BIRC6: variants seen among roughly 807,000 people sequenced by gnomAD.
BIRC6 encodes dual E2 ubiquitin-conjugating enzyme/E3 ubiquitin-protein ligase BIRC6.
A neutral mutation model predicts 503.3 loss-of-function variants in BIRC6; 98 were observed. The ratio of observed to expected loss-of-function variants is 0.19; its 90% CI spans 0.17 to 0.23. The LOEUF (loss-of-function observed/expected upper bound fraction) is 0.23, where lower values mean the gene tolerates loss of function less well. Ranked by LOEUF, BIRC6 falls within the 10% of genes least tolerant of loss-of-function variation. BIRC6 has a pLI of 1.00. For synonymous variants in BIRC6, 2,240 were observed against 2,078.7 expected (o/e 1.08, Z -2.11); for missense variants, 5,360 against 5,806.0 (o/e 0.92, Z 2.50).
chr2:32,445,811 C>T (rs988538612), intron 21 of BIRC6, 143 bp downstream of exon 21: 12 of 529,604 alleles, frequency 2.3e-5, no homozygotes, highest in Admixed American at 1.3e-4. Context: ...TTTTTCCATA[C>T]GATAATAGCC....
chr2:32,548,403 C>G (rs1026529175), intron 64 of BIRC6, among the ~76,000 whole-genome samples: 12 of 122,868 alleles, frequency 9.8e-5, no homozygotes, highest in African/African-American at 3.4e-4. Flanking sequence ...GGAGCTCACT[C>G]TGTGGCCCAG....
intron 6 of BIRC6, among the ~76,000 whole-genome samples, chr2:32,395,909 C>T (rs1445681595): frequency 6.6e-6 from 1 of 152,116 alleles, no homozygotes; most frequent in Non-Finnish European, 1.5e-5. Context: ...CTGTTGAGAG[C>T]ATGTTGTCAG....
intron 33 of BIRC6, among the ~76,000 whole-genome samples, chr2:32,473,740 TGTGTGTGTGTA>T (rs1400206608): frequency 2.1e-5 from 3 of 141,750 alleles, no homozygotes; most frequent in Admixed American, 7.0e-5. Context: ...TGTGTGTGTG[TGTGTGTGTGTA>T]TTTTTTTTTT....
chr2:32,497,713 A>T (rs1006742611), intron 45 of BIRC6, among the ~76,000 whole-genome samples: 1 of 152,094 alleles, frequency 6.6e-6, no homozygotes, highest in East Asian at 1.9e-4. Flanking sequence ...TTTTGGGGTC[A>T]TTCTGGCTAG....
At chr2:32,557,405 G>A (rs2058857573) in intron 65 of BIRC6, 1 of 152,120 alleles carries the variant, frequency 6.6e-6, no homozygotes, top group Non-Finnish European at 1.5e-5. Flanking sequence ...CATTTTTGCT[G>A]TTGTGTCTTG....
chr2:32,405,311 A>AT (rs1256996520), intron 8 of BIRC6, among the ~76,000 whole-genome samples: 2 of 152,010 alleles, frequency 1.3e-5, no homozygotes, highest in East Asian at 3.8e-4. Context: ...CTTTTTTTGC[A>AT]TTTTTTGCTT....
At chr2:32,534,201 C>G (rs1274397232) in intron 61 of BIRC6, among the ~76,000 whole-genome samples, 1 of 150,622 alleles carries the variant, frequency 6.6e-6, no homozygotes, top group Non-Finnish European at 1.5e-5. Flanking sequence ...TGGTGAAACC[C>G]CGTCTCTACT....
At chr2:32,381,209 A>G (rs1298483820) in intron 3 of BIRC6, among the ~76,000 whole-genome samples, 1 of 152,058 alleles carries the variant, frequency 6.6e-6, no homozygotes, top group African/African-American at 2.4e-5. Flanking sequence ...AAATATACTA[A>G]TATTGTGTTA....
chr2:32,607,972 C>A (rs2151655879), intron 72 of BIRC6, among the ~76,000 whole-genome samples: 1 of 48,092 alleles, frequency 2.1e-5, no homozygotes. Flanking sequence ...AAGACTCCAT[C>A]TCCAAAAAAA....
intron 24 of BIRC6, among the ~76,000 whole-genome samples, chr2:32,464,218 T>C (rs1352323043): frequency 2.6e-5 from 4 of 152,324 alleles, no homozygotes; most frequent in Admixed American, 1.3e-4. Flanking sequence ...CCTTATAATA[T>C]TTTGTTTTGA....
chr2:32,463,726 T>TA (rs922863573), intron 24 of BIRC6, among the ~76,000 whole-genome samples: 8 of 152,222 alleles, frequency 5.3e-5, no homozygotes, highest in African/African-American at 1.9e-4. Context: ...CAGTTAAATT[T>TA]AATGTGACTT....
chr2:32,364,757 TG>T (rs1031331411), intron 1 of BIRC6, among the ~76,000 whole-genome samples: 3 of 146,046 alleles, frequency 2.1e-5, no homozygotes, highest in African/African-American at 5.1e-5. Context: ...TTAGATCGGG[TG>T]TTTTTTTTTT....
chr2:32,492,491 G>T (rs2051866171), intron 44 of BIRC6, among the ~76,000 whole-genome samples: 1 of 152,044 alleles, frequency 6.6e-6, no homozygotes, highest in African/African-American at 2.4e-5. Flanking sequence ...AGTGATTATT[G>T]TACTTAAAGA....
chr2:32,486,585 C>T (rs2051017719), intron 40 of BIRC6, among the ~76,000 whole-genome samples: 1 of 152,182 alleles, frequency 6.6e-6, no homozygotes, highest in African/African-American at 2.4e-5. Context: ...ATTGCTTCAC[C>T]TTCTCTAGGT....
intron 22 of BIRC6, among the ~76,000 whole-genome samples, chr2:32,452,159 A>G (rs2046797148): frequency 2.0e-5 from 3 of 152,180 alleles, no homozygotes; most frequent in Admixed American, 2.0e-4. Context: ...GTGTTGGGTC[A>G]GATGTTTTCA....
chr2:32,477,723 A>G (rs376329157), intron 35 of BIRC6, 140 bp downstream of exon 35: 1 of 336,594 alleles, frequency 3.0e-6, no homozygotes, highest in South Asian at 1.2e-4. Flanking sequence ...ATGTGGCAAA[A>G]CCCCGTCTCT....
At chr2:32,504,443 G>A (rs1167350065) in intron 49 of BIRC6, among the ~76,000 whole-genome samples, 1 of 151,796 alleles carries the variant, frequency 6.6e-6, no homozygotes, top group African/African-American at 2.4e-5. Flanking sequence ...CGAGGCGGGT[G>A]GATCATGAGG....
chr2:32,503,250 T>TA lies in BIRC6; in HGVS notation c.9499+15dup. ...TTGCACCCCTCGGTAAGAAAAGTGT[T>TA]ACTAAATCTTACTTATGTGAAATTA... On this transcript the variant is annotated intron_variant, in intron 49 of 73. Transcript: ENST00000421745. 6.4e-7 allele frequency: 1 copy of TA among 1,572,630 alleles called. No individual in the cohort carries two copies. The highest frequency in any genetic ancestry group is 8.6e-7 in the Non-Finnish European group (1 of 1,160,718).
rs779333512 is a variant in BIRC6, at chr2:32,501,734, C to G, written c.9053C>G (p.Thr3018Ser). Residue 3018 changes from threonine to serine, a missense_variant, in exon 47 of 74, where the codon ACT (threonine) becomes AGT (serine). Thr to Ser is a moderately conservative substitution (Grantham distance 58). Transcript: ENST00000421745. Reference sequence around the variant, plus strand: ...TTAGGAGCAAGTGGATTACATCTCACTAAACATGAAAACTTTCATGGTGGG... The same window carrying G: ...TTAGGAGCAAGTGGATTACATCTCAGTAAACATGAAAACTTTCATGGTGGG... ...MIIGASGLHL[T>S]KHENFHGGLD... 1 of 1,612,008 alleles carries G rather than the reference C, an allele frequency of 6.2e-7. No homozygotes were observed. Among genetic ancestry groups the G allele is most frequent in the Admixed American group, 1.7e-5 (1 of 59,440 alleles).
Sources: allele counts gnomAD v4.1 joint callset (sites outside exome capture counted in the v4.1 genomes callset), GRCh38; gene constraint gnomAD v4.1.1; transcripts MANE v1.5; gene names NCBI Gene and HGNC (gene_info 2026-07-23, HGNC 2026-07-21).